Variants in PRIM2 observed in about 807,000 individuals in gnomAD.
PRIM2 encodes the protein DNA primase subunit 2.
PRIM2 carries 39 observed loss-of-function variants against 67.3 expected under a neutral mutation model. The observed-to-expected ratio is 0.58, with a 90% CI of 0.45 to 0.76. PRIM2 has a LOEUF of 0.76. PRIM2 is among the 30% of genes least tolerant of loss of function. PRIM2 has a pLI of 0.00. For synonymous variants in PRIM2, 143 were observed against 198.7 expected, an observed-to-expected ratio of 0.72 and a Z score of 2.36; for missense variants, 398 against 598.7, an observed-to-expected ratio of 0.66 and a Z score of 3.50.
At chr6:57,450,182 G>T (rs1272011517) in intron 7 of PRIM2, among the ~76,000 whole-genome samples, 3 of 152,114 alleles carry the variant, frequency 2.0e-5, no homozygotes, top group Non-Finnish European at 4.4e-5. Context: ...AACGTATACA[G>T]ATTTTATAAC....
intron 10 of PRIM2, among the ~76,000 whole-genome samples, chr6:57,547,328 G>A (rs1414132973): frequency 3.9e-5 from 6 of 151,948 alleles, no homozygotes; most frequent in South Asian, 2.1e-4. Context: ...TTTGTGCTGC[G>A]ACGTCATCTC....
At chr6:57,271,491 G>T in the PRIM2 span, among the ~76,000 whole-genome samples, 1 of 152,022 alleles carries the variant, frequency 6.6e-6, no homozygotes, top group African/African-American at 2.4e-5. Flanking sequence ...TTACCATTTT[G>T]TATTCCGTCT....
In PRIM2 at chr6:57,539,541, T is replaced by A. The variant is rs1415933175; in HGVS notation, c.1020+1916T>A. Reference sequence around the variant, plus strand: ...GCTAATATCCTGTGGACATAGATAATTGATTATAGTTTTGATTATATTCTT... The same window carrying A: ...GCTAATATCCTGTGGACATAGATAAATGATTATAGTTTTGATTATATTCTT... On this transcript the variant is annotated intron_variant, in intron 10 of 13. Transcript: ENST00000615550. Among the ~76,000 whole-genome samples, 210 of 150,910 alleles carry A rather than the reference T, an allele frequency of 1.4e-3. 5 individuals are homozygous for A. The East Asian group carries it at 0.019, about 14-fold the overall frequency.
chr6:57,551,655 G>A (rs1775405805), intron 10 of PRIM2, among the ~76,000 whole-genome samples: 2 of 151,826 alleles, frequency 1.3e-5, no homozygotes, highest in Admixed American at 1.3e-4. Context: ...AGGTATAGCA[G>A]CAGTGAACAA....
chr6:57,397,239 T>A (rs1770545483), intron 7 of PRIM2, among the ~76,000 whole-genome samples: 1 of 152,184 alleles, frequency 6.6e-6, no homozygotes. Flanking sequence ...AAAGTTTTCA[T>A]TTATTATTTC....
chr6:57,259,395 T>G, the PRIM2 span, among the ~76,000 whole-genome samples: 2 of 152,176 alleles, frequency 1.3e-5, no homozygotes, highest in African/African-American at 4.8e-5. Flanking sequence ...ATTGGAAATA[T>G]GCAAGGTCTC....
Position 57,446,418 on chromosome 6 carries a change from C to CTTTTTTTTTTTTTTTTTTTTTTTTTTTT in PRIM2, c.694-60954_694-60953insTTTTTTTTTTTTTTTTTTTTTTTTTTTT, listed in dbSNP as rs397958660. Among the ~76,000 whole-genome samples the CTTTTTTTTTTTTTTTTTTTTTTTTTTTT allele has an allele frequency of 2.1e-4, 18 of 83,816 alleles. 5 individuals are homozygous for CTTTTTTTTTTTTTTTTTTTTTTTTTTTT. The highest frequency in any genetic ancestry group is 4.9e-4 in the African/African-American group (10 of 20,606). 55.0% of individuals were successfully genotyped at this position (83,816 alleles called of 152,430 possible). ...GGCATAGGCCTGGCACACGCCACTT[C>CTTTTTTTTTTTTTTTTTTTTTTTTTTTT]TTTTTTTTTTTTTTTGAGACAGTCT... On this transcript the variant is annotated intron_variant, in intron 7 of 13. Transcript: ENST00000615550.
In PRIM2 at chr6:57,424,246, T is replaced by A. The variant is rs546715645; in HGVS notation, c.693+42078T>A. Among the ~76,000 whole-genome samples, 8 of 152,328 alleles carry A rather than the reference T, an allele frequency of 5.3e-5. No homozygotes were observed. In the East Asian group the frequency reaches 1.5e-3, roughly 29 times the overall value. On this transcript the variant is annotated intron_variant, in intron 7 of 13. Coordinates refer to ENST00000615550, the MANE Select transcript of PRIM2 (RefSeq NM_000947.5). ...GATCAAGATAAGTTCAGTTCTTCTT[T>A]GTCACATCCACATCTTACAGTACTT...
intron 7 of PRIM2, among the ~76,000 whole-genome samples, chr6:57,422,768 T>G (rs1299334017): frequency 1.3e-5 from 2 of 152,140 alleles, no homozygotes; most frequent in Non-Finnish European, 2.9e-5. Flanking sequence ...AACAGGTTTT[T>G]TTTCCCCACA....
At chr6:57,625,351 T>C (rs1182587266) in intron 12 of PRIM2, among the ~76,000 whole-genome samples, 1 of 152,208 alleles carries the variant, frequency 6.6e-6, no homozygotes, top group Non-Finnish European at 1.5e-5. Context: ...TAAGTTCTGC[T>C]ACAAAGAAAC....
chr6:57,530,296 G>A (rs1413528417), intron 8 of PRIM2, among the ~76,000 whole-genome samples: 1 of 152,206 alleles, frequency 6.6e-6, no homozygotes, highest in Non-Finnish European at 1.5e-5. Context: ...ACATGGCAAA[G>A]GAAAAGGACT....
chr6:57,585,099 A>C (rs2127486391), intron 10 of PRIM2, among the ~76,000 whole-genome samples: 1 of 152,354 alleles, frequency 6.6e-6, no homozygotes, highest in South Asian at 2.1e-4. Context: ...CAAATTGCTT[A>C]ACTGATTTTT....
chr6:57,353,651 T>G (rs1433424282), intron 5 of PRIM2, among the ~76,000 whole-genome samples: 1 of 152,226 alleles, frequency 6.6e-6, no homozygotes, highest in Non-Finnish European at 1.5e-5. Context: ...AGTAGATTAC[T>G]ATCGGTAGTC....
chr6:57,515,183 A>T (rs1281837198), intron 8 of PRIM2, among the ~76,000 whole-genome samples: 1 of 151,752 alleles, frequency 6.6e-6, no homozygotes, highest in East Asian at 1.9e-4. Flanking sequence ...AATTTTAAGT[A>T]TCTGCATAAT....
At chr6:57,319,126 G>C (rs2127267567) in intron 2 of PRIM2, among the ~76,000 whole-genome samples, 1 of 152,298 alleles carries the variant, frequency 6.6e-6, no homozygotes, top group South Asian at 2.1e-4. Context: ...CAAAGGCTTG[G>C]AGCATGAAAG....
At chr6:57,339,227 C>T (rs570614751) in intron 5 of PRIM2, among the ~76,000 whole-genome samples, 49 of 152,308 alleles carry the variant, frequency 3.2e-4, no homozygotes, top group African/African-American at 1.1e-3. Flanking sequence ...AATGGAAGAA[C>T]ATTCCATGCT....
At chr6:57,612,547 GC>G (rs1776685261) in intron 12 of PRIM2, among the ~76,000 whole-genome samples, 1 of 152,186 alleles carries the variant, frequency 6.6e-6, no homozygotes, top group Non-Finnish European at 1.5e-5. Context: ...CAGAGTGATT[GC>G]TGGGAGCAGG....
chr6:57,486,032 G>A (rs1477805694), intron 7 of PRIM2, among the ~76,000 whole-genome samples: 14,057 of 152,188 alleles, frequency 0.092, 718 homozygotes, highest in East Asian at 0.2. Flanking sequence ...AGTTAAATAG[G>A]TGTTTGGCAG....
intron 7 of PRIM2, among the ~76,000 whole-genome samples, chr6:57,394,489 A>G (rs1167988665): frequency 1.1e-4 from 17 of 152,182 alleles, no homozygotes; most frequent in Non-Finnish European, 1.8e-4. Context: ...TGTATAGCAG[A>G]GCTACTGATT....
Sources: allele counts gnomAD v4.1 joint callset (sites outside exome capture counted in the v4.1 genomes callset), GRCh38; gene constraint gnomAD v4.1.1; transcripts MANE v1.5; gene names NCBI Gene and HGNC (gene_info 2026-07-23, HGNC 2026-07-21).